CCDC175: variants seen among roughly 807,000 people sequenced by gnomAD.
The protein encoded by CCDC175 is coiled-coil domain containing 175, also known as coiled-coil domain-containing protein 175.
A neutral mutation model predicts 114.6 loss-of-function variants in CCDC175; 100 were observed. The ratio of observed to expected loss-of-function variants is 0.87; its 90% CI spans 0.74 to 1.03. The LOEUF is 1.03. Ranked by LOEUF, CCDC175 falls within the 50% of genes least tolerant of loss-of-function variation. CCDC175 has a pLI of 0.00. For missense variants in CCDC175, 880 were observed against 917.8 expected, an observed-to-expected ratio of 0.96 and a Z score of 0.53; for synonymous variants, 306 against 308.7, an observed-to-expected ratio of 0.99 and a Z score of 0.09.
chr14:59,536,716 T>C (rs1266190868), intron 13 of CCDC175, among the ~76,000 whole-genome samples: 1 of 152,178 alleles, frequency 6.6e-6, no homozygotes, highest in Non-Finnish European at 1.5e-5. Flanking sequence ...TCCATGCTAA[T>C]AATTTTCCTT....
chr14:59,570,888 G>A lies in CCDC175; in HGVS notation c.355+1814C>T, dbSNP rs139857031. ...TGAGTAGCGGGGACTACAGGCATGC[G>A]CCACCACGCCTGGCTAATTGTTTTT... On this transcript the variant is annotated intron_variant, in intron 3 of 19. Transcript: ENST00000537690. 5.8e-4 allele frequency among the ~76,000 whole-genome samples: 89 copies of A among 152,214 alleles called. No individual in the cohort carries two copies. In the East Asian group the frequency reaches 0.012, roughly 21 times the overall value.
chr14:59,520,555 C>T (rs1893369537), intron 17 of CCDC175, among the ~76,000 whole-genome samples: 1 of 152,100 alleles, frequency 6.6e-6, no homozygotes, highest in African/African-American at 2.4e-5. Context: ...AACAAATGTT[C>T]ACAATAGCTT....
At chr14:59,528,537 C>T (rs1893878631) in intron 14 of CCDC175, among the ~76,000 whole-genome samples, 1 of 152,024 alleles carries the variant, frequency 6.6e-6, no homozygotes, top group African/African-American at 2.4e-5. Context: ...AGCATGCTTA[C>T]TCCCATTCCC....
At chr14:59,553,008 C>T (rs1419500744) in intron 7 of CCDC175, among the ~76,000 whole-genome samples, 2 of 152,178 alleles carry the variant, frequency 1.3e-5, no homozygotes, top group Non-Finnish European at 2.9e-5. Context: ...CTGAAAGTGA[C>T]AGGGAGAATG....
intron 1 of CCDC175, among the ~76,000 whole-genome samples, chr14:59,575,347 G>A (rs935859172): frequency 6.6e-6 from 1 of 152,094 alleles, no homozygotes; most frequent in Admixed American, 6.5e-5. Context: ...ACAGAAAAAT[G>A]TATTTGTACA....
chr14:59,538,943 ATTGT>A (rs1894584196), intron 11 of CCDC175, 103 bp from the exon 12 acceptor site: 1 of 1,066,388 alleles, frequency 9.4e-7, no homozygotes, highest in Non-Finnish European at 1.3e-6. Context: ...ACTACACAAA[ATTGT>A]TTGTGCTATT....
chr14:59,525,453 C>T lies in CCDC175; in HGVS notation c.1843-19G>A, dbSNP rs73305632. On this transcript the variant is annotated intron_variant, in intron 15 of 19. Transcript: ENST00000537690. ...CATCTTCCTGCTCAAACAGAAAACC[C>T]CAAATTATCTCTGAGTTCAAACAGT... The T allele has an allele frequency of 2.3e-3, 3,510 of 1,508,284 alleles. 49 individuals are homozygous for T. The African/African-American group carries it at 0.042, about 18-fold the overall frequency. The allele number at this position is 1,508,284 out of a possible 1,614,324, so 93.4% of individuals were successfully genotyped here. A position where few individuals can be genotyped will look rare whatever the true frequency, so the allele number is the denominator to read the frequency against.
intron 8 of CCDC175, 95 bp downstream of exon 8, chr14:59,551,260 C>T: frequency 1.6e-6 from 1 of 618,318 alleles, no homozygotes; most frequent in East Asian, 3.3e-5. Flanking sequence ...TGAAAAACAT[C>T]CTTTTGAAAA....
intron 3 of CCDC175, among the ~76,000 whole-genome samples, chr14:59,571,166 A>G (rs893647262): frequency 8.1e-5 from 12 of 147,986 alleles, no homozygotes; most frequent in African/African-American, 1.2e-4. Context: ...AAAAAAAAAA[A>G]AGAGATCGAA....
At chr14:59,541,015 T>C (rs1894752629) in intron 10 of CCDC175, among the ~76,000 whole-genome samples, 1 of 151,964 alleles carries the variant, frequency 6.6e-6, no homozygotes, top group Admixed American at 6.6e-5. Flanking sequence ...TTACTAGAGG[T>C]TAATGTTTCT....
At chr14:59,529,368 C>T (rs1893932903) in intron 14 of CCDC175, among the ~76,000 whole-genome samples, 1 of 152,126 alleles carries the variant, frequency 6.6e-6, no homozygotes, top group African/African-American at 2.4e-5. Flanking sequence ...TTTCTTTTGC[C>T]AGCATTGAGG....
At chr14:59,528,986 TTC>T (rs2139999965) in intron 14 of CCDC175, among the ~76,000 whole-genome samples, 1 of 152,334 alleles carries the variant, frequency 6.6e-6, no homozygotes, top group Non-Finnish European at 1.5e-5. Flanking sequence ...TTCCATCAAG[TTC>T]TCTTGTTCTG....
intron 2 of CCDC175, 29 bp from the exon 3 acceptor site, chr14:59,572,842 G>C: frequency 7.5e-7 from 1 of 1,336,850 alleles, no homozygotes; most frequent in Non-Finnish European, 1.0e-6. Flanking sequence ...TTTTTAAAAA[G>C]TTAAGACACT....
At chr14:59,565,337 G>T (rs1896472434) in intron 4 of CCDC175, 62 bp from the exon 5 acceptor site, 1 of 1,266,262 alleles carries the variant, frequency 7.9e-7, no homozygotes, top group Non-Finnish European at 1.1e-6. Flanking sequence ...AATAGTCTGT[G>T]TGGTGAGAAG....
intron 9 of CCDC175, among the ~76,000 whole-genome samples, chr14:59,543,658 C>G (rs1337305843): frequency 2.0e-5 from 3 of 152,164 alleles, no homozygotes; most frequent in South Asian, 2.1e-4. Flanking sequence ...TTTTTCCCAG[C>G]TGATTTTTGT....
At chr14:59,532,772 G>A (rs539712013) in intron 13 of CCDC175, among the ~76,000 whole-genome samples, 2 of 152,290 alleles carry the variant, frequency 1.3e-5, no homozygotes, top group South Asian at 4.1e-4. Context: ...GCTGAGGATG[G>A]CAGAGCCACC....
chr14:59,571,526 A>G (rs1451459027), intron 3 of CCDC175, among the ~76,000 whole-genome samples: 2 of 152,214 alleles, frequency 1.3e-5, no homozygotes, highest in African/African-American at 4.8e-5. Context: ...CAACATCTCT[A>G]ATCACTGGGG....
intron 8 of CCDC175, among the ~76,000 whole-genome samples, chr14:59,546,086 T>C (rs865807545): frequency 1.3e-5 from 2 of 152,140 alleles, no homozygotes; most frequent in East Asian, 1.9e-4. Flanking sequence ...GAACAGTGGA[T>C]TGGATAAAGA....
chr14:59,521,748 G>T, intron 16 of CCDC175, 72 bp from the exon 17 acceptor site: 3 of 850,752 alleles, frequency 3.5e-6, no homozygotes, highest in Non-Finnish European at 5.6e-6. Flanking sequence ...TAGTCATTCA[G>T]CAAACATGTA....
Sources: gnomAD v4.1 joint callset for allele counts (sites outside exome capture counted in the v4.1 genomes callset) on GRCh38, gnomAD v4.1.1 for gene constraint, MANE v1.5 for transcripts, NCBI Gene and HGNC (gene_info 2026-07-23, HGNC 2026-07-21) for gene names.